Variants in DIP2A observed in about 807,000 individuals in gnomAD.
DIP2A encodes DIP2 acetate--CoA ligase A, also known as disco-interacting protein 2 homolog A.
In DIP2A, 85 loss-of-function variants were observed where a neutral mutation model predicts 177.4. The ratio of observed to expected loss-of-function variants is 0.48; its 90% CI spans 0.40 to 0.57. DIP2A has a LOEUF of 0.57. Among genes scored for constraint, DIP2A ranks in the 20% least tolerant of loss-of-function variants. DIP2A has a pLI of 0.00. For missense variants in DIP2A, 1,791 were observed against 2,100.2 expected, an observed-to-expected ratio of 0.85 and a Z score of 2.88; for synonymous variants, 886 against 881.8, an observed-to-expected ratio of 1.00 and a Z score of -0.08.
chr21:46,547,005 C>G lies in DIP2A; in HGVS notation c.2485C>G (p.Leu829Val), dbSNP rs372643493. The G allele has an allele frequency of 1.2e-6, 2 of 1,614,020 alleles. No individual in the cohort carries two copies. Among genetic ancestry groups the G allele is most frequent in the Non-Finnish European group, 8.5e-7 (1 of 1,179,880 alleles). Residue 829 changes from leucine (L) to valine (V), a missense_variant, in exon 21 of 38, where the codon CTG becomes GTG. By Grantham distance (32) the Leu-to-Val change is conservative. Coordinates refer to ENST00000417564, the MANE Select transcript of DIP2A (RefSeq NM_015151.4). ...HNADDVVATA[L>V]AVEPMKFVYR... is the part of the protein sequence containing the mutation. ...TGCAGATGACGTTGTGGCCACCGCA[C>G]TGGCCGTGGAGCCCATGAAGTTTGT...
At chr21:46,473,048 T>C (rs188849438) in intron 1 of DIP2A, among the ~76,000 whole-genome samples, 153 of 152,374 alleles carry the variant, frequency 1.0e-3, no homozygotes, top group African/African-American at 3.6e-3. Flanking sequence ...GGCTAATGGC[T>C]GCTGTACTGG....
At chr21:46,527,435 C>T (rs1476440951) in intron 8 of DIP2A, among the ~76,000 whole-genome samples, 1 of 145,998 alleles carries the variant, frequency 6.8e-6, no homozygotes, top group Non-Finnish European at 1.5e-5. Context: ...AAGCAGTTCT[C>T]CTGCCTCGGC....
intron 2 of DIP2A, among the ~76,000 whole-genome samples, chr21:46,486,714 G>T (rs536250239): frequency 3.9e-5 from 6 of 152,218 alleles, no homozygotes; most frequent in African/African-American, 1.4e-4. Context: ...TCAGTAGGAT[G>T]CAGGCAGCTA....
At chr21:46,485,939 T>C (rs1187545349) in intron 2 of DIP2A, among the ~76,000 whole-genome samples, 1 of 151,470 alleles carries the variant, frequency 6.6e-6, no homozygotes, top group Non-Finnish European at 1.5e-5. Flanking sequence ...GGCATGGTGG[T>C]GCGTACCTGT....
Position 46,567,600 on chromosome 21 carries a change from T to C in DIP2A, c.4694T>C (p.Ile1565Thr). 6.2e-7 allele frequency: 1 copy of C among 1,605,276 alleles called. No individual in the cohort carries two copies. The highest frequency in any genetic ancestry group is 8.5e-7 in the Non-Finnish European group (1 of 1,175,046). ...TTCCTGGCTGACCAGCTGGACCCCATCTATGTCGCCTACAACATGTGAGCG... is the reference window on the plus strand; with the variant it reads ...TTCCTGGCTGACCAGCTGGACCCCACCTATGTCGCCTACAACATGTGAGCG... ...DGFLADQLDP[I>T]YVAYNM The change falls in exon 38 of 38, where the codon ATC becomes ACC. Residue 1565 changes from isoleucine (I) to threonine (T), a missense_variant. Transcript: ENST00000417564.
intron 21 of DIP2A, among the ~76,000 whole-genome samples, chr21:46,548,796 T>C (rs994454605): frequency 6.6e-6 from 1 of 152,154 alleles, no homozygotes; most frequent in Non-Finnish European, 1.5e-5. Flanking sequence ...TTCTCTGGAC[T>C]GGGAAGTGGT....
At chr21:46,559,582 G>A (rs1486820922) in intron 32 of DIP2A, among the ~76,000 whole-genome samples, 1 of 152,204 alleles carries the variant, frequency 6.6e-6, no homozygotes, top group African/African-American at 2.4e-5. Context: ...GCTGAGCGTG[G>A]GTGCCGGCCT....
At chr21:46,529,696 ATTGT>A (rs1264717158) in intron 9 of DIP2A, among the ~76,000 whole-genome samples, 1 of 151,098 alleles carries the variant, frequency 6.6e-6, no homozygotes, top group Non-Finnish European at 1.5e-5. Flanking sequence ...TCGTTGTTTC[ATTGT>A]TTGTCCACTG....
rs1162872343 is a variant in DIP2A, at chr21:46,528,527, C to CTTTTTTTTTTTTTTTTTTTTTTT, written c.1103-546_1103-524dup. Among the ~76,000 whole-genome samples, 4 of 29,380 alleles carry CTTTTTTTTTTTTTTTTTTTTTTT rather than the reference C, an allele frequency of 1.4e-4. 1 individual carries two copies. The highest frequency in any genetic ancestry group is 2.2e-4 in the Non-Finnish European group (4 of 17,980). 19.3% of individuals were successfully genotyped at this position (29,380 alleles called of 152,430 possible). Reference sequence around the variant, plus strand: ...ACCAAATACTGACTTTTTCTGCTTGCTTTTTTTTTTTTTTTTTTTTTTTTT... The same window carrying CTTTTTTTTTTTTTTTTTTTTTTT: ...ACCAAATACTGACTTTTTCTGCTTGCTTTTTTTTTTTTTTTTTTTTTTTTTTTTTTTTTTTTTTTTTTTTTTTT... On this transcript the variant is annotated intron_variant, in intron 8 of 37. Transcript: ENST00000417564.
intron 28 of DIP2A, chr21:46,555,456 C>T (rs968208730): frequency 2.6e-5 from 5 of 193,706 alleles, no homozygotes; most frequent in Non-Finnish European, 2.2e-5. Flanking sequence ...AGCCAAACAG[C>T]TGGCCAGGGC....
the DIP2A span, among the ~76,000 whole-genome samples, chr21:46,581,419 A>G: frequency 6.6e-6 from 1 of 152,132 alleles, no homozygotes. Flanking sequence ...GGAGTTCGTT[A>G]TTACCCACAT....
intron 16 of DIP2A, chr21:46,539,338 G>A (rs1454626818): frequency 5.7e-6 from 1 of 175,714 alleles, no homozygotes; most frequent in Non-Finnish European, 1.2e-5. Flanking sequence ...CCCCTCTCCA[G>A]TGTGGCCGAC....
At chr21:46,574,841 G>A (rs528949045), downstream of DIP2A, among the ~76,000 whole-genome samples, 1 of 152,212 alleles carries the variant, frequency 6.6e-6, no homozygotes, top group Non-Finnish European at 1.5e-5. Context: ...GGCTTCATTG[G>A]TGAATTCTAC....
At chr21:46,495,649 C>T (rs940365064) in intron 3 of DIP2A, among the ~76,000 whole-genome samples, 2 of 152,024 alleles carry the variant, frequency 1.3e-5, no homozygotes, top group Middle Eastern at 3.2e-3. Flanking sequence ...CACTCTGTCA[C>T]CCAGGCTGGA....
intron 21 of DIP2A, among the ~76,000 whole-genome samples, chr21:46,547,656 C>CTTTTTTTTT (rs10672432): frequency 2.6e-5 from 2 of 76,392 alleles, no homozygotes; most frequent in Non-Finnish European, 4.6e-5. Flanking sequence ...AAGGGGGTGC[C>CTTTTTTTTT]TTTTTTTTTT....
rs367918341 is a variant in DIP2A, at chr21:46,566,705, G to A, written c.4463+22G>A. On this transcript the variant is annotated intron_variant, in intron 37 of 37. Transcript: ENST00000417564. ...AGTGGTAAGAGCCCAGGTGGAGGGC[G>A]GCTTCACGTGGTCCCTCCAGCCCTT... 2.5e-4 allele frequency: 402 copies of A among 1,613,776 alleles called. 2 individuals carry two copies. The highest frequency in any genetic ancestry group is 2.9e-4 in the Non-Finnish European group (341 of 1,179,770).
chr21:46,565,847 T>A lies in DIP2A; in HGVS notation c.4299T>A (p.Leu1433=), dbSNP rs2060820119. The part of the protein sequence containing the change: ...TQTIWARTGY[L]GFLRRTELTD... ...CCATCTGGGCAAGGACCGGCTACCT[T>A]GGCTTCCTTCGGCGAACAGAGCTCA... The change falls in exon 36 of 38, where the codon CTT becomes CTA. Residue 1433 remains leucine (L), a synonymous_variant. Coordinates refer to ENST00000417564, the MANE Select transcript of DIP2A (RefSeq NM_015151.4). 6.2e-7 allele frequency: 1 copy of A among 1,613,832 alleles called. No homozygotes were observed.
intron 17 of DIP2A, among the ~76,000 whole-genome samples, chr21:46,540,234 A>G (rs2059757448): frequency 6.6e-6 from 1 of 152,102 alleles, no homozygotes; most frequent in South Asian, 2.1e-4. Context: ...GTGCTTCCCA[A>G]ATTAGAAAGG....
chr21:46,561,029 ATC>A (rs1213146539), intron 33 of DIP2A: 1 of 984,782 alleles, frequency 1.0e-6, no homozygotes, highest in Non-Finnish European at 1.2e-6. Flanking sequence ...CTCAGTGTCT[ATC>A]TCTGTGCGCC....
Sources: gnomAD v4.1 joint callset for allele counts (sites outside exome capture counted in the v4.1 genomes callset) on GRCh38, gnomAD v4.1.1 for gene constraint, MANE v1.5 for transcripts, NCBI Gene and HGNC (gene_info 2026-07-23, HGNC 2026-07-21) for gene names.